The following ITGA11 variants were observed in gnomAD, a reference collection of about 807,000 sequenced individuals.
The protein encoded by ITGA11 is integrin subunit alpha 11, also known as integrin alpha-11.
In ITGA11, 97 loss-of-function variants were observed where a neutral mutation model predicts 141.9. The observed-to-expected ratio is 0.68, with a 90% CI of 0.58 to 0.81. ITGA11 has a LOEUF of 0.81. ITGA11 is among the 30% of genes least tolerant of loss of function. ITGA11 has a pLI of 0.00. For missense variants in ITGA11, 1,387 were observed against 1,559.2 expected, an observed-to-expected ratio of 0.89 and a Z score of 1.86; for synonymous variants, 658 against 624.6, an observed-to-expected ratio of 1.05 and a Z score of -0.80.
intron 2 of ITGA11, among the ~76,000 whole-genome samples, chr15:68,369,844 G>A (rs1382567328): frequency 2.6e-5 from 4 of 152,246 alleles, no homozygotes; most frequent in Admixed American, 1.3e-4. Context: ...TTGAGCCAAT[G>A]CCTTTGCAAC....
Position 68,321,053 on chromosome 15 carries a change from C to T in ITGA11, c.2408+365G>A, listed in dbSNP as rs187139101. On this transcript the variant is annotated intron_variant, in intron 19 of 29. Coordinates refer to ENST00000315757, the MANE Select transcript of ITGA11 (RefSeq NM_001004439.2). The surrounding 1 kb of genome is among the most constrained non-coding windows in gnomAD (Gnocchi z 4.9). ...TGGAAAGCCCAAGGTGTTCAGCCAG[C>T]GGGCCTAGAGGTCACCTCATCTGGG... 5.7e-4 allele frequency among the ~76,000 whole-genome samples: 87 copies of T among 152,206 alleles called. No homozygotes were observed. The highest frequency in any genetic ancestry group is 2.0e-3 in the African/African-American group (84 of 41,532).
In ITGA11 at chr15:68,303,523, C is replaced by CT. The variant is rs371997023; in HGVS notation, c.3495+248dup. Among the ~76,000 whole-genome samples, 212 of 144,244 alleles carry CT rather than the reference C, an allele frequency of 1.5e-3. No homozygotes were observed. The highest frequency in any genetic ancestry group is 1.7e-3 in the African/African-American group (68 of 39,772). The allele number at this position is 144,244 out of a possible 152,430, so 94.6% of individuals were successfully genotyped here. A position where few individuals can be genotyped will look rare whatever the true frequency, so the allele number is the denominator to read the frequency against. ...AATTTTGTGCAGTTGTTTGTACTTG[C>CT]TTTTTTTTTTTTTCTCTAATAATAG... On this transcript the variant is annotated intron_variant, in intron 29 of 29. Transcript: ENST00000315757. The surrounding 1 kb of genome is among the most constrained non-coding windows in gnomAD (Gnocchi z 5.3).
intron 26 of ITGA11, among the ~76,000 whole-genome samples, chr15:68,309,218 G>A (rs1595850129): frequency 6.6e-6 from 1 of 152,358 alleles, no homozygotes; most frequent in East Asian, 1.9e-4. Flanking sequence ...AAGAGCAAAG[G>A]TTATGGTAAC....
intron 28 of ITGA11, among the ~76,000 whole-genome samples, chr15:68,306,850 C>T (rs1595848647): frequency 6.6e-6 from 1 of 152,246 alleles, no homozygotes; most frequent in Non-Finnish European, 1.5e-5. Context: ...AGGGCAGCAG[C>T]GTCCCACGCC....
intron 2 of ITGA11, among the ~76,000 whole-genome samples, chr15:68,400,686 T>TTA (rs1566938508): frequency 4.2e-5 from 2 of 47,434 alleles, no homozygotes; most frequent in African/African-American, 2.4e-4. Context: ...ATAATAAATA[T>TTA]TATATTATAT....
intron 1 of ITGA11, among the ~76,000 whole-genome samples, chr15:68,427,092 G>T (rs1351036503): frequency 1.4e-5 from 2 of 146,154 alleles, no homozygotes; most frequent in Non-Finnish European, 3.0e-5. Context: ...TTACTCTATC[G>T]ACATGACCTT....
chr15:68,381,207 GTCT>G (rs1895853993), intron 2 of ITGA11, among the ~76,000 whole-genome samples: 1 of 152,204 alleles, frequency 6.6e-6, no homozygotes, highest in South Asian at 2.1e-4. Context: ...TAGAGGGTCT[GTCT>G]TTGTAATTCT....
intron 1 of ITGA11, among the ~76,000 whole-genome samples, chr15:68,413,337 C>T (rs543140215): frequency 5.1e-4 from 77 of 152,310 alleles, no homozygotes; most frequent in Admixed American, 1.4e-3. Flanking sequence ...ACCACCACTC[C>T]TTCTGTGTTA....
At chr15:68,363,969 T>C (rs1895337346) in intron 4 of ITGA11, among the ~76,000 whole-genome samples, 1 of 152,220 alleles carries the variant, frequency 6.6e-6, no homozygotes, top group African/African-American at 2.4e-5. Flanking sequence ...TCCACCACAG[T>C]GTAAGCTCCA....
chr15:68,418,071 CA>C (rs1196914684), intron 1 of ITGA11, among the ~76,000 whole-genome samples: 2 of 152,140 alleles, frequency 1.3e-5, no homozygotes, highest in African/African-American at 4.8e-5. Flanking sequence ...GTCATGTTGG[CA>C]GCTTGAAAAC....
intron 1 of ITGA11, among the ~76,000 whole-genome samples, chr15:68,418,884 GTGTT>G (rs1287999093): frequency 1.3e-5 from 2 of 151,880 alleles, no homozygotes; most frequent in Admixed American, 6.6e-5. Flanking sequence ...AGCCCAGAGA[GTGTT>G]TGGGCAAAAT....
rs1894193746 is a variant in ITGA11 at position 68,332,189 on chromosome 15, T to C, written c.1567-127A>G. On this transcript the variant is annotated intron_variant, in intron 13 of 29. Transcript: ENST00000315757. The stretch of plus-strand genomic sequence containing the variant: ...TTCCCCAGAACCCCGTCTCTGGCTA[T>C]ATGAACCCAGCCACAGAGGAGGCTC... 5 of 1,239,484 alleles carry C rather than the reference T, an allele frequency of 4.0e-6. No homozygotes were observed. The African/African-American group carries it at 7.5e-5, about 19-fold the overall frequency. The allele number at this position is 1,239,484 out of a possible 1,614,324, so 76.8% of individuals were successfully genotyped here.
chr15:68,326,475 G>A lies in ITGA11; in HGVS notation c.2211+179C>T, dbSNP rs1031253182. On this transcript the variant is annotated intron_variant, in intron 17 of 29. Coordinates refer to ENST00000315757, the MANE Select transcript of ITGA11 (RefSeq NM_001004439.2). This position sits in a 1 kb window ranked among gnomAD's most constrained non-coding sequence, Gnocchi z 6.8. ...GATGTCTAGTGAGGTGGTATGTAGCGTGTCTCTGGGGCATGAGGTGGGAAT... is the reference window on the plus strand; with the variant it reads ...GATGTCTAGTGAGGTGGTATGTAGCATGTCTCTGGGGCATGAGGTGGGAAT... 5.3e-5 allele frequency among the ~76,000 whole-genome samples: 8 copies of A among 152,060 alleles called. No homozygotes were observed. Among genetic ancestry groups the A allele is most frequent in the Non-Finnish European group, 7.4e-5 (5 of 68,026 alleles).
chr15:68,363,847 A>G (rs1476663643), intron 4 of ITGA11, among the ~76,000 whole-genome samples: 1 of 152,240 alleles, frequency 6.6e-6, no homozygotes, highest in Non-Finnish European at 1.5e-5. Flanking sequence ...TACCATGTGC[A>G]GAGTCCATAT....
intron 1 of ITGA11, among the ~76,000 whole-genome samples, chr15:68,422,693 A>G (rs7164335): frequency 0.72 from 109,201 of 151,980 alleles, 40,361 homozygotes; most frequent in African/African-American, 0.9. Flanking sequence ...TTCTGTTCTT[A>G]CCATTCCTCA....
At chr15:68,341,502 T>A (rs1894568329) in intron 10 of ITGA11, among the ~76,000 whole-genome samples, 1 of 152,168 alleles carries the variant, frequency 6.6e-6, no homozygotes, top group African/African-American at 2.4e-5. Flanking sequence ...ACACAGCAAG[T>A]CAGAGGCAGG....
chr15:68,379,773 C>T (rs918826803), intron 2 of ITGA11, among the ~76,000 whole-genome samples: 6 of 152,154 alleles, frequency 3.9e-5, no homozygotes, highest in African/African-American at 1.2e-4. Context: ...TTTTTTCTTT[C>T]CACTTTATAG....
intron 2 of ITGA11, among the ~76,000 whole-genome samples, chr15:68,372,895 G>A (rs1041057742): frequency 6.6e-6 from 1 of 152,074 alleles, no homozygotes; most frequent in East Asian, 1.9e-4. Flanking sequence ...TCAATCTCCT[G>A]TAAGAAAAAA....
At position 68,299,820 on chromosome 15, in the gene ITGA11, C is replaced by T. The variant is rs960964796; in HGVS notation, c.*3239G>A. ...GGGATGGAAAGGTCCACACTGTCTC[C>T]TAGAAGCTCTTCCACATGTCCCTAG... On this transcript the variant is annotated 3_prime_UTR_variant, in exon 30 of 30. Coordinates refer to ENST00000315757, the MANE Select transcript of ITGA11 (RefSeq NM_001004439.2). 17 of 152,196 alleles carry T rather than the reference C, an allele frequency of 1.1e-4. No homozygotes were observed. The highest frequency in any genetic ancestry group is 4.1e-4 in the African/African-American group (17 of 41,436). The allele number at this position is 152,196 out of a possible 1,614,324, so 9.4% of individuals were successfully genotyped here.
Sources: gnomAD v4.1 joint callset for allele counts (sites outside exome capture counted in the v4.1 genomes callset) on GRCh38, gnomAD v4.1.1 for gene constraint, Gnocchi (gnomAD v3.1) non-coding constraint, MANE v1.5 for transcripts, NCBI Gene and HGNC (gene_info 2026-07-23, HGNC 2026-07-21) for gene names.